Variants in ESR1 observed in about 807,000 individuals in gnomAD.
ESR1 encodes estrogen receptor 1.
A neutral mutation model predicts 52.7 loss-of-function variants in ESR1; 12 were observed. The observed-to-expected ratio is 0.23, with a 90% confidence interval of 0.15 to 0.37. The LOEUF (loss-of-function observed/expected upper bound fraction) is 0.37, where lower values mean the gene tolerates loss of function less well. Among genes scored for constraint, ESR1 ranks in the 10% least tolerant of loss-of-function variants. ESR1 has a pLI of 1.00. For synonymous variants in ESR1, 305 were observed against 316.8 expected (o/e 0.96, Z 0.39); for missense variants, 584 against 779.7 (o/e 0.75, Z 2.99).
chr6:151,724,062 C>A (rs908618465), intron 2 of ESR1, among the ~76,000 whole-genome samples: 20 of 152,190 alleles, frequency 1.3e-4, no homozygotes, highest in Non-Finnish European at 2.4e-4. Flanking sequence ...GTGGAACCCA[C>A]GCCTGTGGGG....
At chr6:151,778,179 A>G (rs985400929) in intron 2 of ESR1, among the ~76,000 whole-genome samples, 1 of 152,130 alleles carries the variant, frequency 6.6e-6, no homozygotes, top group Non-Finnish European at 1.5e-5. Context: ...TTTCACTTAT[A>G]TAAACTACCT....
intron 1 of ESR1, among the ~76,000 whole-genome samples, chr6:151,671,848 C>T (rs1300076291): frequency 2.6e-5 from 4 of 151,944 alleles, no homozygotes; most frequent in African/African-American, 9.7e-5. Context: ...AAAAATTGGC[C>T]AGGCATGGTG....
Position 152,053,473 on chromosome 6 carries a change from TCTCA to T in ESR1, c.1236-7517_1236-7514del, listed in dbSNP as rs961515848. On this transcript the variant is annotated intron_variant, in intron 5 of 7. Coordinates refer to ENST00000206249, the MANE Select transcript of ESR1 (RefSeq NM_000125.4). The surrounding 1 kb of genome is among the most constrained non-coding windows in gnomAD (Gnocchi z 4.1). ...CAGTCTCTCTTTCTCTTTCCCTCTC[TCTCA>T]ATCTTTCTCTTCCTCAGTCTCTCTC... is the stretch of plus-strand genomic sequence containing the variant. 9.2e-5 allele frequency among the ~76,000 whole-genome samples: 14 copies of T among 152,040 alleles called. No homozygotes were observed. The highest frequency in any genetic ancestry group is 2.9e-4 in the African/African-American group (12 of 41,386).
At chr6:152,065,071 C>T (rs1172275364) in intron 6 of ESR1, among the ~76,000 whole-genome samples, 1 of 152,132 alleles carries the variant, frequency 6.6e-6, no homozygotes, top group Non-Finnish European at 1.5e-5. Flanking sequence ...GGAGTAGGTT[C>T]ATGCCTTTTT....
At chr6:151,814,237 T>A (rs1237391407) in intron 1 of ESR1, 1 of 152,220 alleles carries the variant, frequency 6.6e-6, no homozygotes, top group Non-Finnish European at 1.5e-5. Flanking sequence ...TTTCCTGCAA[T>A]TAAATGATGT....
At chr6:151,669,171 A>G (rs189794436) in intron 1 of ESR1, among the ~76,000 whole-genome samples, 574 of 106,020 alleles carry the variant, frequency 5.4e-3, no homozygotes, top group East Asian at 0.025. Context: ...AGAGAGAGAG[A>G]GAGAGAGAGA....
In ESR1 at chr6:152,098,356, T is replaced by C. The variant is rs2050794616; in HGVS notation, c.1554-376T>C. Among the ~76,000 whole-genome samples, 1 of 152,098 alleles carries C rather than the reference T, an allele frequency of 6.6e-6. No individual in the cohort carries two copies. Among genetic ancestry groups the C allele is most frequent in the Admixed American group, 6.5e-5 (1 of 15,280 alleles). On this transcript the variant is annotated intron_variant, in intron 7 of 7. Transcript: ENST00000206249. This position sits in a 1 kb window ranked among gnomAD's most constrained non-coding sequence, Gnocchi z 5.1. ...GGCTGAATATCTCATGTTGTCTTTT[T>C]AGAAGCTTTGGCGATCCTATTTGAA...
chr6:151,681,835 G>A (rs1431530861), intron 1 of ESR1, among the ~76,000 whole-genome samples: 2 of 152,090 alleles, frequency 1.3e-5, no homozygotes, highest in East Asian at 1.9e-4. Flanking sequence ...TCTTTTAAAC[G>A]TCTCAACAAG....
At chr6:151,793,680 C>A (rs192867097) in intron 2 of ESR1, among the ~76,000 whole-genome samples, 1 of 152,178 alleles carries the variant, frequency 6.6e-6, no homozygotes, top group Non-Finnish European at 1.5e-5. Context: ...TATAACCTTA[C>A]AAGACCACTG....
chr6:151,672,138 C>T lies in ESR1; in HGVS notation n.73+15375C>T, dbSNP rs138392534. On this transcript the variant is annotated intron_variant and non_coding_transcript_variant, in intron 1 of 2. Transcript: ENST00000473497. ...GTGAGCCACTGCACCTGGACAACTT[C>T]GAAGTTCTTACCACAAAAAAATGAT... 2.4e-3 allele frequency among the ~76,000 whole-genome samples: 357 copies of T among 150,734 alleles called. 1 individual carries two copies. Among genetic ancestry groups the T allele is most frequent in the East Asian group, 0.023 (116 of 4,960 alleles).
intron 4 of ESR1, among the ~76,000 whole-genome samples, chr6:151,959,679 G>A (rs991278632): frequency 6.7e-6 from 1 of 149,682 alleles, no homozygotes; most frequent in Non-Finnish European, 1.5e-5. Context: ...ACACATTATT[G>A]TGGTGTCTCA....
At chr6:151,671,279 C>A (rs1041060907) in intron 1 of ESR1, among the ~76,000 whole-genome samples, 2 of 152,128 alleles carry the variant, frequency 1.3e-5, no homozygotes, top group African/African-American at 4.8e-5. Flanking sequence ...TGGAATCGAC[C>A]TGAGTGTCCA....
chr6:152,069,770 G>T (rs2048234170), intron 6 of ESR1, among the ~76,000 whole-genome samples: 1 of 136,994 alleles, frequency 7.3e-6, no homozygotes, highest in Non-Finnish European at 1.5e-5. Flanking sequence ...AGGCAGTAAT[G>T]CTTCCTTGCC....
At chr6:152,026,382 C>G (rs1210040961) in intron 5 of ESR1, among the ~76,000 whole-genome samples, 1 of 151,930 alleles carries the variant, frequency 6.6e-6, no homozygotes, top group African/African-American at 2.4e-5. Context: ...TATCTAATAT[C>G]AAGATCATGA....
chr6:151,774,914 C>T (rs1445331694), intron 2 of ESR1, among the ~76,000 whole-genome samples: 1 of 152,224 alleles, frequency 6.6e-6, no homozygotes, highest in African/African-American at 2.4e-5. Flanking sequence ...CTGCTTTTCA[C>T]TGCATTTGTC....
chr6:151,732,766 C>T (rs1415237352), intron 2 of ESR1, among the ~76,000 whole-genome samples: 1 of 152,140 alleles, frequency 6.6e-6, no homozygotes, highest in Non-Finnish European at 1.5e-5. Flanking sequence ...CGTCAGATCT[C>T]ATCTTGCAGA....
intron 5 of ESR1, among the ~76,000 whole-genome samples, chr6:152,045,543 T>A (rs1157514229): frequency 6.6e-6 from 1 of 152,166 alleles, no homozygotes; most frequent in Non-Finnish European, 1.5e-5. Flanking sequence ...ACAGTGTGAT[T>A]TTGCCTAGTC....
chr6:151,779,872 C>T (rs1204174739), intron 2 of ESR1, among the ~76,000 whole-genome samples: 4 of 135,154 alleles, frequency 3.0e-5, no homozygotes, highest in Non-Finnish European at 6.5e-5. Context: ...TGCACTCCAC[C>T]CTGGGCGACA....
intron 6 of ESR1, among the ~76,000 whole-genome samples, chr6:152,119,403 T>G (rs1363019502): frequency 6.6e-6 from 1 of 152,202 alleles, no homozygotes; most frequent in Non-Finnish European, 1.5e-5. Context: ...ATCCTTTCAT[T>G]TCTCCCGGGA....
Sources: gnomAD v4.1 joint callset for allele counts (sites outside exome capture counted in the v4.1 genomes callset) on GRCh38, gnomAD v4.1.1 for gene constraint, Gnocchi (gnomAD v3.1) non-coding constraint, MANE v1.5 for transcripts, NCBI Gene and HGNC (gene_info 2026-07-23, HGNC 2026-07-21) for gene names.